The following RAB37 variants were observed in gnomAD, a reference collection of about 807,000 sequenced individuals.
The protein encoded by RAB37 is RAB37, member RAS oncogene family, also known as ras-related protein Rab-37.
In RAB37, 29 loss-of-function variants were observed where a neutral mutation model predicts 33.1. That is an observed-to-expected ratio of 0.88 (90% CI 0.65 to 1.20). The LOEUF (loss-of-function observed/expected upper bound fraction) is 1.20, where lower values mean the gene tolerates loss of function less well. Ranked by LOEUF, RAB37 falls within the 50% of genes most tolerant of loss-of-function variation. The probability of loss-of-function intolerance (pLI) is 0.00; values close to 1 mark genes in which losing one functional copy is unlikely to be tolerated. For synonymous variants in RAB37, 128 were observed against 119.5 expected (o/e 1.07, Z -0.47); for missense variants, 299 against 301.1 (o/e 0.99, Z 0.05).
In RAB37 at chr17:74,744,920, C is replaced by T; in HGVS notation, c.480C>T (p.Thr160=). 1.2e-6 allele frequency: 2 copies of T among 1,614,264 alleles called. No homozygotes were observed. The highest frequency in any genetic ancestry group is 2.2e-5 in the South Asian group (2 of 91,086). The change falls in exon 7 of 9, where the codon ACC becomes ACT. Residue 160 remains threonine, a synonymous_variant. Transcript: ENST00000392613. The surrounding 1 kb of genome is among the most constrained non-coding windows in gnomAD (Gnocchi z 4.2). ...ERVIRSEDGE[T]LAREYGVPFL... is the part of the protein sequence containing the mutation. ...TGATCCGTTCCGAAGACGGAGAGAC[C>T]TTGGCCAGGGTAAGTGATTGTCTGT...
chr17:74,674,180 T>A (rs1228243281), intron 1 of RAB37, among the ~76,000 whole-genome samples: 3 of 152,064 alleles, frequency 2.0e-5, no homozygotes, highest in Non-Finnish European at 4.4e-5. Context: ...AGGCAAGTGA[T>A]TCTCCCACCT....
At position 74,691,153 on chromosome 17, in the gene RAB37, C is replaced by T. The variant is rs117804089; in HGVS notation, c.72+19495C>T. Reference sequence around the variant, plus strand: ...CCTCTGGAGTAGCTGGGACTGCAGGCGTGCGCCACCACACCCAGCTAATTA... The same window carrying T: ...CCTCTGGAGTAGCTGGGACTGCAGGTGTGCGCCACCACACCCAGCTAATTA... On this transcript the variant is annotated intron_variant, in intron 1 of 7. Coordinates refer to the RAB37 transcript ENST00000340415. Among the ~76,000 whole-genome samples the T allele has an allele frequency of 3.1e-3, 471 of 152,252 alleles. 5 individuals are homozygous for T. The East Asian group carries it at 0.036, about 12-fold the overall frequency.
intron 1 of RAB37, among the ~76,000 whole-genome samples, chr17:74,716,294 A>G (rs1428197981): frequency 6.6e-6 from 1 of 151,984 alleles, no homozygotes; most frequent in Non-Finnish European, 1.5e-5. Flanking sequence ...GTATGTATGT[A>G]TGTGTGTGTG....
At chr17:74,736,581 T>C (rs539916768), upstream of RAB37, 162 of 1,519,094 alleles carry the variant, frequency 1.1e-4, no homozygotes, top group East Asian at 3.6e-3. Flanking sequence ...AGATGTGTGC[T>C]GCGCAGCCCT....
chr17:74,736,740 G>C, upstream of RAB37: 1 of 1,535,682 alleles, frequency 6.5e-7, no homozygotes, highest in Non-Finnish European at 8.7e-7. Context: ...AGGCGAGTAC[G>C]GGTTGGTAAA....
chr17:74,722,081 G>A (rs1347788344), intron 1 of RAB37, among the ~76,000 whole-genome samples: 3 of 151,924 alleles, frequency 2.0e-5, no homozygotes, highest in Non-Finnish European at 4.4e-5. Context: ...GGATCACGAG[G>A]TCAGGAGATC....
intron 1 of RAB37, among the ~76,000 whole-genome samples, chr17:74,716,673 C>T (rs1249791800): frequency 6.6e-6 from 1 of 151,928 alleles, no homozygotes; most frequent in African/African-American, 2.4e-5. Flanking sequence ...TTCATATAAG[C>T]CATGCTGCCT....
chr17:74,673,588 G>C (rs1007902761), intron 1 of RAB37, among the ~76,000 whole-genome samples: 4 of 151,676 alleles, frequency 2.6e-5, no homozygotes, highest in Non-Finnish European at 5.9e-5. Context: ...ATATTGATCA[G>C]ATGTGGTATT....
chr17:74,672,332 C>A (rs2031724654), intron 1 of RAB37, among the ~76,000 whole-genome samples: 1 of 152,134 alleles, frequency 6.6e-6, no homozygotes, highest in South Asian at 2.1e-4. Context: ...CTGAAATAAT[C>A]AAAGTGTTAT....
intron 1 of RAB37, among the ~76,000 whole-genome samples, chr17:74,726,704 T>C (rs989829254): frequency 3.9e-5 from 6 of 152,208 alleles, no homozygotes; most frequent in African/African-American, 1.4e-4. Context: ...GACAACCTCA[T>C]GGTAAGCAGA....
chr17:74,698,301 A>G (rs897956988), intron 1 of RAB37: 13 of 1,066,518 alleles, frequency 1.2e-5, no homozygotes, highest in Non-Finnish European at 1.9e-5. Flanking sequence ...TGGACCAGAT[A>G]GCTCCCAGAT....
At chr17:74,736,688 C>A, upstream of RAB37, 36 of 1,535,712 alleles carry the variant, frequency 2.3e-5, no homozygotes, top group Non-Finnish European at 3.1e-5. Context: ...AGTCCCCGCA[C>A]CAGGCAGAGG....
chr17:74,690,417 T>C (rs997244372), intron 1 of RAB37, among the ~76,000 whole-genome samples: 18 of 152,102 alleles, frequency 1.2e-4, no homozygotes, highest in Non-Finnish European at 1.0e-4. Context: ...TATAACAAGA[T>C]AGTAAATGCT....
chr17:74,718,248 C>T (rs534696814), intron 1 of RAB37, among the ~76,000 whole-genome samples: 4 of 152,236 alleles, frequency 2.6e-5, no homozygotes, highest in Admixed American at 2.6e-4. Flanking sequence ...GAGCCAAGAT[C>T]GTGCCATTGC....
At chr17:74,678,954 T>C (rs905357023) in intron 1 of RAB37, among the ~76,000 whole-genome samples, 1 of 151,930 alleles carries the variant, frequency 6.6e-6, no homozygotes, top group Non-Finnish European at 1.5e-5. Context: ...CTAGTAAAAA[T>C]ACAAAAATTA....
rs902295187 is a variant in RAB37 at position 74,704,552 on chromosome 17, G to A, written c.73-24704G>A. ...CTCAATTCCACACCAGTAAGTGTCA[G>A]CATCAGTTTTCATGAGATCCTCCAT... On this transcript the variant is annotated intron_variant, in intron 1 of 7. Coordinates refer to the RAB37 transcript ENST00000340415. The A allele has an allele frequency of 3.1e-6, 5 of 1,614,044 alleles. No individual in the cohort carries two copies. Among genetic ancestry groups the A allele is most frequent in the South Asian group, 1.1e-5 (1 of 91,094 alleles).
upstream of RAB37, among the ~76,000 whole-genome samples, chr17:74,734,938 AAG>A (rs2034444669): frequency 8.1e-6 from 1 of 124,098 alleles, no homozygotes. Context: ...AAGAAAGAGA[AAG>A]AAAGAAAGAG....
rs1408361021 is a variant in RAB37, at chr17:74,726,214, G to A, written c.73-3042G>A. Among the ~76,000 whole-genome samples the A allele has an allele frequency of 4.2e-5, 6 of 144,360 alleles. No homozygotes were observed. The South Asian group carries it at 6.5e-4, about 16-fold the overall frequency. The allele number at this position is 144,360 out of a possible 152,430, so 94.7% of individuals were successfully genotyped here. A position where few individuals can be genotyped will look rare whatever the true frequency, so the allele number is the denominator to read the frequency against. On this transcript the variant is annotated intron_variant, in intron 1 of 7. Transcript: ENST00000340415. ...TGTGACACCGCATTCCAGCCTGGGC[G>A]ACAGAGAGAGACTCTGCCTAAAAAA... is the stretch of plus-strand genomic sequence containing the variant.
chr17:74,713,270 C>T (rs1256635484), intron 1 of RAB37, among the ~76,000 whole-genome samples: 1 of 148,906 alleles, frequency 6.7e-6, no homozygotes, highest in African/African-American at 2.5e-5. Flanking sequence ...GTGCCACTTG[C>T]ACTCCAGCCT....
Sources: allele counts gnomAD v4.1 joint callset (sites outside exome capture counted in the v4.1 genomes callset), GRCh38; gene constraint gnomAD v4.1.1; non-coding constraint Gnocchi (gnomAD v3.1); transcripts MANE v1.5; gene names NCBI Gene and HGNC (gene_info 2026-07-23, HGNC 2026-07-21).